Variants in PCDHGB4 observed in about 807,000 individuals in gnomAD.
PCDHGB4 encodes the protein protocadherin gamma-B4.
In PCDHGB4, 38 loss-of-function variants were observed where a neutral mutation model predicts 60.5. The observed-to-expected ratio is 0.63, with a 90% confidence interval of 0.48 to 0.82. The LOEUF (loss-of-function observed/expected upper bound fraction) is 0.82, where lower values mean the gene tolerates loss of function less well. Among genes scored for constraint, PCDHGB4 ranks in the 40% least tolerant of loss-of-function variants. The pLI is 0.00. For synonymous variants in PCDHGB4, 456 were observed against 509.7 expected (o/e 0.89, Z 1.42); for missense variants, 1,109 against 1,209.6 (o/e 0.92, Z 1.23).
At chr5:141,445,732 A>G (rs2098475548) in intron 1 of PCDHGB4, among the ~76,000 whole-genome samples, 1 of 152,230 alleles carries the variant, frequency 6.6e-6, no homozygotes, top group African/African-American at 2.4e-5. Context: ...ATGTGTAAAG[A>G]TCTTTTTAAA....
chr5:141,408,144 G>A (rs868032463), intron 1 of PCDHGB4: 1 of 1,496,186 alleles, frequency 6.7e-7, no homozygotes, highest in Non-Finnish European at 8.9e-7. Flanking sequence ...CTTTTAGCGC[G>A]GTAGAGTGCA....
chr5:141,422,750 T>C (rs778578440), intron 1 of PCDHGB4: 4 of 1,611,900 alleles, frequency 2.5e-6, no homozygotes, highest in Non-Finnish European at 3.4e-6. Flanking sequence ...TATGTCTCTA[T>C]TAACTCCAAC....
chr5:141,410,849 CTTT>C (rs759346998), intron 1 of PCDHGB4: 1,556 of 136,944 alleles, frequency 0.011, no homozygotes, highest in South Asian at 0.02. Flanking sequence ...TTGTCTTTGT[CTTT>C]TTTTTTTTTT....
At chr5:141,399,254 G>A (rs2093775351) in intron 1 of PCDHGB4, 1 of 1,613,806 alleles carries the variant, frequency 6.2e-7, no homozygotes, top group East Asian at 2.2e-5. Context: ...GGGGAAAATG[G>A]GGAGGTTAAT....
In PCDHGB4 at chr5:141,511,358, G is replaced by GT; in HGVS notation, c.*187dup. 1 of 1,355,398 alleles carries GT rather than the reference G, an allele frequency of 7.4e-7. No homozygotes were observed. Among genetic ancestry groups the GT allele is most frequent in the South Asian group, 1.5e-5 (1 of 66,198 alleles). 84.0% of individuals were successfully genotyped at this position (1,355,398 alleles called of 1,614,324 possible). On this transcript the variant is annotated 3_prime_UTR_variant, in exon 4 of 4. Transcript: ENST00000519479. ...GCACCTACCCCTTCCCCCCCAGGGG[G>GT]TTGAATATGCAAAAGCAGTTCCGCT...
At chr5:141,413,980 A>C in intron 1 of PCDHGB4, 12 of 1,613,530 alleles carry the variant, frequency 7.4e-6, no homozygotes, top group Non-Finnish European at 1.0e-5. Flanking sequence ...GCTGACAGTC[A>C]CAGCCACCGA....
intron 1 of PCDHGB4, among the ~76,000 whole-genome samples, chr5:141,448,952 C>A (rs1278778374): frequency 2.6e-5 from 4 of 151,698 alleles, no homozygotes; most frequent in Non-Finnish European, 5.9e-5. Flanking sequence ...CTCAAAAAAA[C>A]AAACAAACAA....
At chr5:141,413,716 C>T in intron 1 of PCDHGB4, 2 of 1,613,608 alleles carry the variant, frequency 1.2e-6, no homozygotes, top group Non-Finnish European at 1.7e-6. Flanking sequence ...CCCCAATAAG[C>T]ACTTCTCCCT....
chr5:141,510,526 A>T (rs1164238062), intron 3 of PCDHGB4, among the ~76,000 whole-genome samples: 1 of 152,156 alleles, frequency 6.6e-6, no homozygotes, highest in East Asian at 1.9e-4. Flanking sequence ...CAGCCCTGAG[A>T]GAAATACCAG....
chr5:141,442,675 G>A (rs1381554808), intron 1 of PCDHGB4, among the ~76,000 whole-genome samples: 1 of 152,248 alleles, frequency 6.6e-6, no homozygotes, highest in Admixed American at 6.5e-5. Context: ...GTGAGCTTGA[G>A]GGACAGTAGT....
intron 1 of PCDHGB4, chr5:141,427,790 C>G: frequency 6.7e-7 from 1 of 1,482,224 alleles, no homozygotes; most frequent in South Asian, 1.1e-5. Flanking sequence ...TGTCGTCCTA[C>G]GTGTCCGTGA....
At position 141,477,855 on chromosome 5, in the gene PCDHGB4, T is replaced by C; in HGVS notation, c.2398-16952T>C. The C allele has an allele frequency of 1.2e-6, 2 of 1,613,698 alleles. No individual in the cohort carries two copies. The highest frequency in any genetic ancestry group is 1.7e-6 in the Non-Finnish European group (2 of 1,179,882). On this transcript the variant is annotated intron_variant, in intron 1 of 3. Coordinates refer to ENST00000519479, the MANE Select transcript of PCDHGB4 (RefSeq NM_003736.4). The surrounding 1 kb of genome is among the most constrained non-coding windows in gnomAD (Gnocchi z 4.9). ...CCAGGTGGGAGCTCGGTGGAGATGC[T>C]GCCTCGAGGTACCTCAGCTGGCCAC...
chr5:141,505,614 A>G (rs2154593732), intron 3 of PCDHGB4, 133 bp downstream of exon 3: 1 of 1,510,758 alleles, frequency 6.6e-7, no homozygotes, highest in Non-Finnish European at 8.9e-7. Context: ...GTCTGAAAGG[A>G]CCCACAATTC....
intron 1 of PCDHGB4, among the ~76,000 whole-genome samples, chr5:141,448,614 A>G (rs985924011): frequency 1.3e-5 from 2 of 152,070 alleles, no homozygotes; most frequent in East Asian, 1.9e-4. Flanking sequence ...ACCACTTTAT[A>G]TCTTCCTTTC....
At chr5:141,498,793 T>C (rs2154592354) in intron 2 of PCDHGB4, among the ~76,000 whole-genome samples, 1 of 152,028 alleles carries the variant, frequency 6.6e-6, no homozygotes, top group Non-Finnish European at 1.5e-5. Context: ...ATTAGCCAGG[T>C]GTGGTGGTGC....
intron 1 of PCDHGB4, chr5:141,403,468 C>G: frequency 6.2e-7 from 1 of 1,614,054 alleles, no homozygotes; most frequent in Non-Finnish European, 8.5e-7. Flanking sequence ...GCTACCAGCT[C>G]AGCCCCAATC....
At chr5:141,474,398 C>A (rs1381347745) in intron 1 of PCDHGB4, among the ~76,000 whole-genome samples, 3 of 152,212 alleles carry the variant, frequency 2.0e-5, no homozygotes, top group Non-Finnish European at 4.4e-5. Context: ...TTCTAACAAG[C>A]TCCCCGGTGA....
At chr5:141,427,812 G>A (rs1380721111) in intron 1 of PCDHGB4, 1 of 1,524,286 alleles carries the variant, frequency 6.6e-7, no homozygotes, top group African/African-American at 1.4e-5. Context: ...CGCACAGAGC[G>A]GGGTGGTGGT....
At chr5:141,450,653 A>AT (rs2098689237) in intron 1 of PCDHGB4, among the ~76,000 whole-genome samples, 1 of 151,192 alleles carries the variant, frequency 6.6e-6, no homozygotes, top group Non-Finnish European at 1.5e-5. Context: ...TGCCTGGCTA[A>AT]TTTTTGTACT....
Sources: gnomAD v4.1 joint callset for allele counts (sites outside exome capture counted in the v4.1 genomes callset) on GRCh38, gnomAD v4.1.1 for gene constraint, Gnocchi (gnomAD v3.1) non-coding constraint, MANE v1.5 for transcripts, NCBI Gene and HGNC (gene_info 2026-07-23, HGNC 2026-07-21) for gene names.